GALNT9: variants seen among roughly 807,000 people sequenced by gnomAD.
The protein encoded by GALNT9 is GalNAc transferase 9.
GALNT9 carries 47 observed loss-of-function variants against 63.1 expected under a neutral mutation model. That is an observed-to-expected ratio of 0.75 (90% CI 0.59 to 0.95). The LOEUF (loss-of-function observed/expected upper bound fraction) is 0.95, where lower values mean the gene tolerates loss of function less well. Ranked by LOEUF, GALNT9 falls within the 40% of genes least tolerant of loss-of-function variation. GALNT9 has a pLI of 0.00. For synonymous variants in GALNT9, 396 were observed against 365.7 expected (o/e 1.08, Z -0.94); for missense variants, 829 against 874.8 (o/e 0.95, Z 0.66).
intron 6 of GALNT9, among the ~76,000 whole-genome samples, chr12:132,204,281 A>G (rs1876475897): frequency 6.6e-6 from 1 of 152,188 alleles, no homozygotes; most frequent in Non-Finnish European, 1.5e-5. Context: ...CCACTTAAGC[A>G]ATACCAGCCT....
chr12:132,229,308 C>T (rs1037309362), intron 6 of GALNT9, among the ~76,000 whole-genome samples: 28 of 152,348 alleles, frequency 1.8e-4, no homozygotes, highest in South Asian at 4.1e-4. Context: ...GCAAGCCCCA[C>T]GAGGCGCACG....
chr12:132,303,555 ACCCAGACACAGCCTCG>A (rs1881410627), intron 1 of GALNT9, among the ~76,000 whole-genome samples: 1 of 110,366 alleles, frequency 9.1e-6, no homozygotes, highest in Non-Finnish European at 1.8e-5. Context: ...GCACACCCTC[ACCCAGACACAGCCTCG>A]CCCGGGCACA....
Position 132,201,207 on chromosome 12 carries a change from G to T in GALNT9, c.1318C>A (p.Leu440Met). 3 of 1,612,538 alleles carry T rather than the reference G, an allele frequency of 1.9e-6. No individual in the cohort carries two copies. The highest frequency in any genetic ancestry group is 2.5e-6 in the Non-Finnish European group (3 of 1,178,756). Reference sequence around the variant, plus strand: ...TACCACTTGAAGCTGCGACACTTCAGCCTCTGACGCAGGGCCAGCCTCTCA... The same window carrying T: ...TACCACTTGAAGCTGCGACACTTCATCCTCTGACGCAGGGCCAGCCTCTCA... ...VSERLALRQR[L>M]KCRSFKWYLE... Residue 440 changes from leucine (L) to methionine (M), a missense_variant, in exon 8 of 11, where the codon CTG (leucine) becomes ATG (methionine). Leu to Met is a conservative substitution (Grantham distance 15). Coordinates refer to ENST00000328957, the MANE Select transcript of GALNT9 (RefSeq NM_001122636.2).
chr12:132,218,537 C>A (rs1178588201), intron 6 of GALNT9, among the ~76,000 whole-genome samples: 1 of 152,364 alleles, frequency 6.6e-6, no homozygotes, highest in South Asian at 2.1e-4. Context: ...CGTGTCCCTG[C>A]CCCTGGAGCC....
chr12:132,291,451 T>G (rs1315441408), intron 1 of GALNT9, among the ~76,000 whole-genome samples: 404 of 13,516 alleles, frequency 0.03, no homozygotes, highest in South Asian at 0.069. Context: ...CACGTCCACA[T>G]CACCCACATC....
At chr12:132,215,773 C>T (rs1329917589) in intron 6 of GALNT9, among the ~76,000 whole-genome samples, 2 of 152,166 alleles carry the variant, frequency 1.3e-5, no homozygotes, top group Non-Finnish European at 1.5e-5. Context: ...GGGGCAGCCT[C>T]GCATGGCCAC....
rs116895293 is a variant in GALNT9 at position 132,214,139 on chromosome 12, A to C, written c.1078-10449T>G. Among the ~76,000 whole-genome samples, 657 of 152,246 alleles carry C rather than the reference A, an allele frequency of 4.3e-3. 16 individuals are homozygous for C. The East Asian group carries it at 0.064, about 15-fold the overall frequency. On this transcript the variant is annotated intron_variant, in intron 6 of 10. Coordinates refer to ENST00000328957, the MANE Select transcript of GALNT9 (RefSeq NM_001122636.2). ...GACCCCAAGGGCACCTGGAGAAGAG[A>C]GAGCCGATTCCGGGGTGCCGTGTGT...
intron 1 of GALNT9, among the ~76,000 whole-genome samples, chr12:132,314,263 A>G (rs1555245545): frequency 6.6e-6 from 1 of 151,172 alleles, no homozygotes; most frequent in Non-Finnish European, 1.5e-5. Context: ...CAGTCAATCA[A>G]TACTTACTAA....
intron 6 of GALNT9, among the ~76,000 whole-genome samples, chr12:132,206,557 G>A (rs1876708238): frequency 6.6e-6 from 1 of 151,394 alleles, no homozygotes. Flanking sequence ...TGAAACATGA[G>A]AATCTCTTGA....
chr12:132,314,817 C>T (rs1555245592), intron 1 of GALNT9, among the ~76,000 whole-genome samples: 1 of 152,216 alleles, frequency 6.6e-6, no homozygotes, highest in African/African-American at 2.4e-5. Flanking sequence ...CCGTGGAATC[C>T]TGGCATTCAT....
chr12:132,286,513 C>T lies in GALNT9; in HGVS notation c.239-83G>A. 1 of 1,452,558 alleles carries T rather than the reference C, an allele frequency of 6.9e-7. No individual in the cohort carries two copies. The highest frequency in any genetic ancestry group is 1.4e-5 in the South Asian group (1 of 69,048). 90.0% of individuals were successfully genotyped at this position (1,452,558 alleles called of 1,614,324 possible). ...CAGGAGACGCCCCTCCCGCCCCTCT[C>T]CCCGACGGCCGCTTCCCCCGGTACA... On this transcript the variant is annotated intron_variant, in intron 1 of 10. Coordinates refer to ENST00000328957, the MANE Select transcript of GALNT9 (RefSeq NM_001122636.2). This position sits in a 1 kb window ranked among gnomAD's most constrained non-coding sequence, Gnocchi z 7.4.
At chr12:132,312,913 A>G (rs188968809) in intron 1 of GALNT9, among the ~76,000 whole-genome samples, 1 of 152,232 alleles carries the variant, frequency 6.6e-6, no homozygotes, top group African/African-American at 2.4e-5. Context: ...GCTCAACTCC[A>G]CATGGATGCA....
intron 6 of GALNT9, among the ~76,000 whole-genome samples, chr12:132,228,623 A>T (rs1877789952): frequency 6.6e-6 from 1 of 151,880 alleles, no homozygotes; most frequent in Non-Finnish European, 1.5e-5. Context: ...AGACGTTCTG[A>T]TGCTCACACA....
intron 9 of GALNT9, among the ~76,000 whole-genome samples, chr12:132,198,787 G>C (rs1875754803): frequency 6.6e-6 from 1 of 152,192 alleles, no homozygotes; most frequent in South Asian, 2.1e-4. Context: ...GAGCAGCTGG[G>C]AATACGGGCA....
At chr12:132,226,485 G>A (rs1443935585) in intron 6 of GALNT9, among the ~76,000 whole-genome samples, 9 of 90,256 alleles carry the variant, frequency 1.0e-4, no homozygotes, top group African/African-American at 1.3e-4. Flanking sequence ...ACACATGCAC[G>A]CCACACATAT....
intron 1 of GALNT9, among the ~76,000 whole-genome samples, chr12:132,304,320 A>C (rs1267900789): frequency 1.9e-3 from 47 of 24,720 alleles, no homozygotes; most frequent in South Asian, 3.4e-3. Context: ...CGGGCACAGA[A>C]TCGCCCAGAC....
At chr12:132,308,956 C>T (rs748882087) in intron 1 of GALNT9, among the ~76,000 whole-genome samples, 31 of 152,188 alleles carry the variant, frequency 2.0e-4, no homozygotes, top group Non-Finnish European at 4.4e-4. Context: ...AGGCAGGAGG[C>T]GGCTGTGGAG....
intron 2 of GALNT9, chr12:132,283,310 G>C (rs28642194): frequency 0.55 from 83,839 of 152,258 alleles, 25,114 homozygotes; most frequent in African/African-American, 0.81. Flanking sequence ...CCCGGGTCGC[G>C]CCTTCCTCAC....
At chr12:132,313,153 TCACCCACCCATCCATCCACC>T (rs1881874512) in intron 1 of GALNT9, among the ~76,000 whole-genome samples, 1 of 32,162 alleles carries the variant, frequency 3.1e-5, no homozygotes, top group Non-Finnish European at 6.0e-5. Context: ...ACCTACCCAC[TCACCCACCCATCCATCCACC>T]CACCCACCCA....
Sources: allele counts gnomAD v4.1 joint callset (sites outside exome capture counted in the v4.1 genomes callset), GRCh38; gene constraint gnomAD v4.1.1; non-coding constraint Gnocchi (gnomAD v3.1); transcripts MANE v1.5; gene names NCBI Gene and HGNC (gene_info 2026-07-23, HGNC 2026-07-21).